Variants in AHNAK observed in about 807,000 individuals in gnomAD.
AHNAK encodes the protein neuroblast differentiation-associated protein AHNAK.
Under a neutral mutation model 37.8 loss-of-function variants are expected in AHNAK, and 23 were observed. That is an observed-to-expected ratio of 0.61 (90% CI 0.44 to 0.86). The LOEUF (loss-of-function observed/expected upper bound fraction) is 0.86, where lower values mean the gene tolerates loss of function less well. Ranked by LOEUF, AHNAK falls within the 40% of genes least tolerant of loss-of-function variation. AHNAK has a pLI of 0.00. For synonymous variants in AHNAK, 2,481 were observed against 2,636.3 expected, an observed-to-expected ratio of 0.94 and a Z score of 1.80; for missense variants, 7,411 against 7,319.4, an observed-to-expected ratio of 1.01 and a Z score of -0.46.
intron 5 of AHNAK, among the ~76,000 whole-genome samples, chr11:62,480,818 A>AAC (rs1158018946): frequency 5.4e-5 from 7 of 129,616 alleles, no homozygotes; most frequent in African/African-American, 1.8e-4. Flanking sequence ...AAAAAAAAAA[A>AAC]AAAAAAAAAC....
chr11:62,483,611 C>T (rs1404740243), intron 5 of AHNAK, among the ~76,000 whole-genome samples: 10 of 151,696 alleles, frequency 6.6e-5, no homozygotes, highest in African/African-American at 4.9e-5. Flanking sequence ...GTAATCCCAG[C>T]GCTTTGGGAG....
intron 5 of AHNAK, among the ~76,000 whole-genome samples, chr11:62,482,251 C>T (rs1007127159): frequency 1.3e-5 from 2 of 152,146 alleles, no homozygotes; most frequent in East Asian, 3.8e-4. Flanking sequence ...CCCATCTCTA[C>T]TAAAAATACA....
chr11:62,474,534 T>C (rs943558535), intron 5 of AHNAK, among the ~76,000 whole-genome samples: 5 of 152,084 alleles, frequency 3.3e-5, no homozygotes, highest in African/African-American at 1.2e-4. Flanking sequence ...GCACCTTAAG[T>C]GGAAGAACTG....
At chr11:62,480,209 A>G (rs1458302532) in intron 5 of AHNAK, among the ~76,000 whole-genome samples, 3 of 152,212 alleles carry the variant, frequency 2.0e-5, no homozygotes, top group Admixed American at 1.3e-4. Context: ...AGCCCTGCCA[A>G]TCTTGCCTCG....
At chr11:62,440,454 G>A (rs1333271531) in intron 5 of AHNAK, among the ~76,000 whole-genome samples, 4 of 152,016 alleles carry the variant, frequency 2.6e-5, no homozygotes, top group Admixed American at 2.6e-4. Flanking sequence ...GAAACAACCC[G>A]TGGCTGGCCA....
chr11:62,545,669 C>G (rs995262334), intron 1 of AHNAK: 2 of 152,748 alleles, frequency 1.3e-5, no homozygotes, highest in Non-Finnish European at 2.9e-5. Flanking sequence ...CAGCTTAGCC[C>G]TCCTCCCACG....
In AHNAK at chr11:62,532,118, G is replaced by A. The variant is rs1639015612; in HGVS notation, c.2299C>T (p.Pro767Ser). ...TTGGGCAGGTTCACATCCACTTCTG[G>A]GCCCTCTGCTTTGAACCCTGGCACA... is the stretch of plus-strand genomic sequence containing the variant. ...FSVPGFKAEG[P>S]EVDVNLPKAD... Residue 767 changes from proline to serine, a missense_variant, in exon 5 of 5, where the codon CCA (proline) becomes TCA (serine). By Grantham distance (74) the Pro-to-Ser change is moderately conservative (BLOSUM62 -1). Transcript: ENST00000378024. 4.3e-6 allele frequency: 7 copies of A among 1,613,174 alleles called. No homozygotes were observed. The highest frequency in any genetic ancestry group is 5.9e-6 in the Non-Finnish European group (7 of 1,179,838).
At chr11:62,493,665 C>A (rs569946457) in intron 4 of AHNAK, among the ~76,000 whole-genome samples, 63 of 151,280 alleles carry the variant, frequency 4.2e-4, no homozygotes, top group South Asian at 2.7e-3. Flanking sequence ...TGGGGGGGGT[C>A]CCACTATGTT....
At position 62,457,416 on chromosome 11, in the gene AHNAK, C is replaced by G. The variant is rs150791732; in HGVS notation, c.443-23525G>C. On this transcript the variant is annotated intron_variant, in intron 5 of 5. Coordinates refer to the AHNAK transcript ENST00000257247. ...TGAGTCGAGATGTTGCCACTGCACT[C>G]CAGCCTGGGTGACAGACCGAGACTC... 4.9e-3 allele frequency among the ~76,000 whole-genome samples: 739 copies of G among 151,676 alleles called. 11 individuals carry two copies. Among genetic ancestry groups the G allele is most frequent in the African/African-American group, 0.017 (702 of 41,348 alleles).
rs1940167502 is a variant in AHNAK, at chr11:62,519,899, G to T, written c.14518C>A (p.Pro4840Thr). ...TTGGGAGCTTTGATATTTATTTCAG[G>T]CATCTTGAACTTGGGGCCCTTCAGT... is the stretch of plus-strand genomic sequence containing the variant. Reference protein sequence around the residue: ...AKLKGPKFKMPEINIKAPKIS... With the variant: ...AKLKGPKFKMTEINIKAPKIS... Residue 4840 changes from proline (P) to threonine (T), a missense_variant, in exon 5 of 5, where the codon CCT becomes ACT. By Grantham distance (38) the Pro-to-Thr change is conservative. Transcript: ENST00000378024. 6.2e-7 allele frequency: 1 copy of T among 1,613,818 alleles called. No individual in the cohort carries two copies. The highest frequency in any genetic ancestry group is 8.5e-7 in the Non-Finnish European group (1 of 1,179,908).
chr11:62,502,100 C>G (rs1933250492), intron 4 of AHNAK, among the ~76,000 whole-genome samples: 1 of 152,180 alleles, frequency 6.6e-6, no homozygotes, highest in East Asian at 1.9e-4. Flanking sequence ...CAACTTCCTG[C>G]CCCAAGCAAC....
rs1940554168 is a variant in AHNAK, at chr11:62,527,771, G to C, written c.6646C>G (p.Pro2216Ala). 2 of 1,613,790 alleles carry C rather than the reference G, an allele frequency of 1.2e-6. No individual in the cohort carries two copies. ...TTGGGCCCTCTGATGTCAACATCTG[G>C]CACTTTCATTTCACCTTCTACCTTG... ...VPKVEGEMKV[P>A]DVDIRGPKVD... The change falls in exon 5 of 5, where the codon CCA (proline) becomes GCA (alanine). Residue 2216 changes from proline to alanine, a missense_variant. Physicochemically the swap from Pro to Ala is conservative, Grantham distance 27 (BLOSUM62 -1). Transcript: ENST00000378024.
chr11:62,445,062 C>A (rs908415522), intron 5 of AHNAK, among the ~76,000 whole-genome samples: 2 of 152,190 alleles, frequency 1.3e-5, no homozygotes, highest in African/African-American at 4.8e-5. Flanking sequence ...AAGAGGGTGA[C>A]CTAAAAGCAA....
chr11:62,487,407 A>G (rs1436020816), intron 5 of AHNAK, among the ~76,000 whole-genome samples: 4 of 152,272 alleles, frequency 2.6e-5, no homozygotes, highest in Admixed American at 1.3e-4. Context: ...GTAAGGCAGG[A>G]CAGTATGACA....
intron 5 of AHNAK, among the ~76,000 whole-genome samples, chr11:62,450,844 G>A (rs1365834809): frequency 1.3e-5 from 2 of 152,272 alleles, no homozygotes; most frequent in South Asian, 2.1e-4. Flanking sequence ...AGGTGCTGAT[G>A]GCAGAAATAT....
intron 5 of AHNAK, among the ~76,000 whole-genome samples, chr11:62,458,029 T>A (rs1284571460): frequency 6.7e-6 from 1 of 150,160 alleles, no homozygotes; most frequent in Non-Finnish European, 1.5e-5. Flanking sequence ...TTCTCCTGCC[T>A]CAGCCTCCCG....
Position 62,523,938 on chromosome 11 carries a change from A to C in AHNAK, c.10479T>G (p.Asp3493Glu), listed in dbSNP as rs753822713. ...SVSGLKAEGP[D>E]VAVDLPKGDI... The stretch of plus-strand genomic sequence containing the variant: ...CTCCTTTTGGTAGATCCACAGCTAC[A>C]TCTGGCCCTTCTGCTTTTAAGCCAG... Residue 3493 changes from aspartate to glutamate, a missense_variant, in exon 5 of 5, where the codon GAT becomes GAG. Coordinates refer to ENST00000378024, the MANE Select transcript of AHNAK (RefSeq NM_001620.3). 5.6e-6 allele frequency: 9 copies of C among 1,613,880 alleles called. No individual in the cohort carries two copies. Among genetic ancestry groups the C allele is most frequent in the Admixed American group, 5.0e-5 (3 of 59,990 alleles).
chr11:62,498,385 C>T (rs373537487), intron 4 of AHNAK, among the ~76,000 whole-genome samples: 2 of 148,672 alleles, frequency 1.3e-5, no homozygotes, highest in African/African-American at 4.9e-5. Context: ...AAATGAATGG[C>T]ATACTAAGAT....
chr11:62,476,686 A>G (rs1354389703), intron 5 of AHNAK, among the ~76,000 whole-genome samples: 3 of 152,202 alleles, frequency 2.0e-5, no homozygotes, highest in Non-Finnish European at 4.4e-5. Context: ...CTACGCAACA[A>G]CAATGAACCA....
Sources: allele counts gnomAD v4.1 joint callset (sites outside exome capture counted in the v4.1 genomes callset), GRCh38; gene constraint gnomAD v4.1.1; transcripts MANE v1.5; gene names NCBI Gene and HGNC (gene_info 2026-07-23, HGNC 2026-07-21).